The following SYK variants were observed in gnomAD, a reference collection of about 807,000 sequenced individuals.
SYK encodes spleen associated tyrosine kinase.
In SYK, 16 loss-of-function variants were observed where a neutral mutation model predicts 77.8. That is an observed-to-expected ratio of 0.21 (90% CI 0.14 to 0.31). SYK has a LOEUF of 0.31. Among genes scored for constraint, SYK ranks in the 10% least tolerant of loss-of-function variants. The pLI is 1.00. For missense variants in SYK, 529 were observed against 814.4 expected (o/e 0.65, Z 4.26); for synonymous variants, 312 against 308.7 (o/e 1.01, Z -0.11).
chr9:90,836,478 C>G (rs936070752), intron 1 of SYK, among the ~76,000 whole-genome samples: 2 of 151,984 alleles, frequency 1.3e-5, no homozygotes, highest in African/African-American at 4.8e-5. Flanking sequence ...TATAAAGATG[C>G]AGTATTAAAT....
intron 1 of SYK, among the ~76,000 whole-genome samples, chr9:90,841,715 AGTGTGTACTGTGTGTG>A (rs2118605350): frequency 7.0e-6 from 1 of 143,552 alleles, no homozygotes; most frequent in African/African-American, 2.6e-5. Context: ...TGATGTGTGT[AGTGTGTACTGTGTGTG>A]GTGTGTATGT....
At chr9:90,812,977 GA>G (rs1396065069) in intron 1 of SYK, among the ~76,000 whole-genome samples, 2 of 152,096 alleles carry the variant, frequency 1.3e-5, no homozygotes, top group African/African-American at 4.8e-5. Context: ...ATTCTCAGAG[GA>G]AGAATATGTG....
rs1370065736 is a variant in SYK at position 90,864,557 on chromosome 9, A to G, written c.718-32A>G. 5 of 1,586,256 alleles carry G rather than the reference A, an allele frequency of 3.2e-6. No homozygotes were observed. In the Admixed American group the frequency reaches 5.0e-5, roughly 16 times the overall value. On this transcript the variant is annotated intron_variant, in intron 4 of 13. Coordinates refer to ENST00000375754, the MANE Select transcript of SYK (RefSeq NM_003177.7). The stretch of plus-strand genomic sequence containing the variant: ...TATTTGTCTATTTCCTGACCTTGGT[A>G]TTTACCACTTTCTTACTTTTTTCTC...
At chr9:90,811,113 T>C (rs1450289921) in intron 1 of SYK, among the ~76,000 whole-genome samples, 1 of 152,202 alleles carries the variant, frequency 6.6e-6, no homozygotes, top group Non-Finnish European at 1.5e-5. Flanking sequence ...CTAAATGTGA[T>C]AAAACATATG....
Position 90,854,413 on chromosome 9 carries a change from T to C in SYK, c.579-7793T>C, listed in dbSNP as rs1174675084. Reference sequence around the variant, plus strand: ...GCCTCAGCGATCTGAGAGGCATGCATGTTGAAGAGTGAGTGAGGAGGATGG... The same window carrying C: ...GCCTCAGCGATCTGAGAGGCATGCACGTTGAAGAGTGAGTGAGGAGGATGG... On this transcript the variant is annotated intron_variant, in intron 3 of 13. Coordinates refer to ENST00000375754, the MANE Select transcript of SYK (RefSeq NM_003177.7). Among the ~76,000 whole-genome samples, 6 of 152,118 alleles carry C rather than the reference T, an allele frequency of 3.9e-5. No homozygotes were observed. In the East Asian group the frequency reaches 9.7e-4, roughly 25 times the overall value.
At chr9:90,828,239 C>CCCCCT (rs1564076600) in intron 1 of SYK, among the ~76,000 whole-genome samples, 1 of 95,218 alleles carries the variant, frequency 1.1e-5, no homozygotes, top group Non-Finnish European at 2.4e-5. Flanking sequence ...ACCCCCGCCC[C>CCCCCT]CCCCCCCGCC....
At position 90,895,816 on chromosome 9, in the gene SYK, AGGGGCTAGCT is replaced by A; in HGVS notation, c.*219_*228del. On this transcript the variant is annotated 3_prime_UTR_variant, in exon 14 of 14. Coordinates refer to ENST00000375754, the MANE Select transcript of SYK (RefSeq NM_003177.7). The surrounding 1 kb of genome is among the most constrained non-coding windows in gnomAD (Gnocchi z 4.4). ...GAGAAAAGACGGATGGCAGGATCCA[AGGGGCTAGCT>A]GGATTTGTTTGTTTTCTTGTCTGTG... The A allele has an allele frequency of 1.9e-6, 1 of 540,358 alleles. No homozygotes were observed. The highest frequency in any genetic ancestry group is 2.4e-5 in the South Asian group (1 of 41,806). The allele number at this position is 540,358 out of a possible 1,614,324, so 33.5% of individuals were successfully genotyped here. A position where few individuals can be genotyped will look rare whatever the true frequency, so the allele number is the denominator to read the frequency against.
rs748600980 is a variant in SYK at position 90,844,127 on chromosome 9, G to A, written c.229G>A (p.Ala77Thr). The A allele has an allele frequency of 8.7e-6, 14 of 1,613,676 alleles. No individual in the cohort carries two copies. The highest frequency in any genetic ancestry group is 3.3e-4 in the Middle Eastern group (2 of 6,080). Residue 77 changes from alanine to threonine, a missense_variant, in exon 2 of 14, where the codon GCC (alanine) becomes ACC (threonine). Transcript: ENST00000375754. ...ERELNGTYAI[A>T]GGRTHASPAD... ...GGAGCTGAATGGCACCTACGCCATC[G>A]CCGGTGGCAGGACCCATGCCAGCCC... is the stretch of plus-strand genomic sequence containing the variant.
chr9:90,861,012 G>A (rs1033860688), intron 3 of SYK, among the ~76,000 whole-genome samples: 3 of 152,158 alleles, frequency 2.0e-5, no homozygotes, highest in African/African-American at 7.2e-5. Context: ...GGCCAAAGAG[G>A]CTTCCTGGGA....
intron 11 of SYK, among the ~76,000 whole-genome samples, chr9:90,882,337 G>C (rs1452997754): frequency 6.6e-6 from 1 of 152,188 alleles, no homozygotes; most frequent in Non-Finnish European, 1.5e-5. Flanking sequence ...GAAGTGCCAG[G>C]GCACCTTATG....
chr9:90,887,998 T>C (rs1828644592), intron 12 of SYK, 109 bp downstream of exon 12: 2 of 1,394,868 alleles, frequency 1.4e-6, no homozygotes, highest in South Asian at 3.1e-5. Flanking sequence ...TCATTATCTT[T>C]TACCAGTAAG....
chr9:90,817,778 A>T (rs1392987898), intron 1 of SYK, among the ~76,000 whole-genome samples: 1 of 151,440 alleles, frequency 6.6e-6, no homozygotes. Context: ...TCATCTTTGA[A>T]ATAGATCATG....
chr9:90,896,606 T>C lies in SYK; in HGVS notation c.*1006T>C, dbSNP rs184864847. The C allele has an allele frequency of 7.2e-4, 167 of 231,510 alleles. No homozygotes were observed. Among genetic ancestry groups the C allele is most frequent in the African/African-American group, 3.4e-3 (154 of 45,342 alleles). The allele number at this position is 231,510 out of a possible 1,614,324, so 14.3% of individuals were successfully genotyped here. On this transcript the variant is annotated 3_prime_UTR_variant, in exon 14 of 14. Coordinates refer to ENST00000375754, the MANE Select transcript of SYK (RefSeq NM_003177.7). ...TTAATTCAGAACAAGCCAAAGACCC[T>C]GAGCCTCACCACAAACAGGCCTTTT... is the stretch of plus-strand genomic sequence containing the variant.
chr9:90,884,789 G>A (rs200440034), intron 11 of SYK, among the ~76,000 whole-genome samples: 1,559 of 22,962 alleles, frequency 0.068, 577 homozygotes, highest in Admixed American at 0.32. Context: ...ATGTGTACAT[G>A]CACATATACA....
Position 90,864,567 on chromosome 9 carries a change from T to G in SYK, c.718-22T>G, listed in dbSNP as rs200249648. 1.1e-4 allele frequency: 173 copies of G among 1,606,286 alleles called. 1 individual carries two copies. In the South Asian group the frequency reaches 1.8e-3, roughly 17 times the overall value. On this transcript the variant is annotated intron_variant, in intron 4 of 13. Coordinates refer to ENST00000375754, the MANE Select transcript of SYK (RefSeq NM_003177.7). Reference sequence around the variant, plus strand: ...TTTCCTGACCTTGGTATTTACCACTTTCTTACTTTTTTCTCTTTCAGCTAG... The same window carrying G: ...TTTCCTGACCTTGGTATTTACCACTGTCTTACTTTTTTCTCTTTCAGCTAG...
chr9:90,872,224 G>A (rs1827757413), intron 7 of SYK, among the ~76,000 whole-genome samples: 1 of 152,362 alleles, frequency 6.6e-6, no homozygotes, highest in South Asian at 2.1e-4. Flanking sequence ...GTGAGGTAGA[G>A]AGGCTGCAAC....
chr9:90,887,743 T>C lies in SYK; in HGVS notation c.1582-6T>C. On this transcript the variant is annotated splice_region_variant and splice_polypyrimidine_tract_variant and intron_variant, in intron 11 of 13. Transcript: ENST00000375754. ...AATGGAATTTCTCCCTCTGCTTTGC[T>C]TTTAGGCCCAGACCCATGGAAAGTG... 2.5e-6 allele frequency: 4 copies of C among 1,595,496 alleles called. No individual in the cohort carries two copies. Among genetic ancestry groups the C allele is most frequent in the Non-Finnish European group, 3.4e-6 (4 of 1,169,358 alleles).
Position 90,896,257 on chromosome 9 carries a change from G to C in SYK, c.*657G>C. The C allele has an allele frequency of 4.3e-6, 1 of 233,094 alleles. No homozygotes were observed. The highest frequency in any genetic ancestry group is 1.8e-4 in the South Asian group (1 of 5,516). The allele number at this position is 233,094 out of a possible 1,614,324, so 14.4% of individuals were successfully genotyped here. A position where few individuals can be genotyped will look rare whatever the true frequency, so the allele number is the denominator to read the frequency against. ...TTGCTGTCTCTGTTATGAGATGGAA[G>C]ACTTACATGTTTGTGATAAAAGGGG... is the stretch of plus-strand genomic sequence containing the variant. On this transcript the variant is annotated 3_prime_UTR_variant, in exon 14 of 14. Coordinates refer to ENST00000375754, the MANE Select transcript of SYK (RefSeq NM_003177.7).
At chr9:90,814,207 A>G (rs1430501527) in intron 1 of SYK, among the ~76,000 whole-genome samples, 1 of 152,136 alleles carries the variant, frequency 6.6e-6, no homozygotes, top group Non-Finnish European at 1.5e-5. Context: ...TGGCCCAACT[A>G]GAAGGAATTT....
Sources: allele counts gnomAD v4.1 joint callset (sites outside exome capture counted in the v4.1 genomes callset), GRCh38; gene constraint gnomAD v4.1.1; non-coding constraint Gnocchi (gnomAD v3.1); transcripts MANE v1.5; gene names NCBI Gene and HGNC (gene_info 2026-07-23, HGNC 2026-07-21).